Variants in WNT10A observed in about 807,000 individuals in gnomAD.
WNT10A encodes the protein protein Wnt-10a.
WNT10A carries 37 observed loss-of-function variants against 36.1 expected under a neutral mutation model. The ratio of observed to expected loss-of-function variants is 1.02; its 90% CI spans 0.79 to 1.35. The LOEUF (loss-of-function observed/expected upper bound fraction) is 1.35. Among genes scored for constraint, WNT10A ranks in the 40% most tolerant of loss-of-function variants. The probability of loss-of-function intolerance (pLI) is 0.00; values close to 1 mark genes in which losing one functional copy is unlikely to be tolerated. For missense variants in WNT10A, 613 were observed against 601.4 expected (o/e 1.02, Z -0.20); for synonymous variants, 255 against 254.1 (o/e 1.00, Z -0.03).
At position 218,889,966 on chromosome 2, in the gene WNT10A, C is replaced by G. The variant is rs1347266344; in HGVS notation, c.377-18C>G. On this transcript the variant is annotated intron_variant, in intron 2 of 3. Coordinates refer to ENST00000258411, the MANE Select transcript of WNT10A (RefSeq NM_025216.3). ...AAGGCCCCTCCAGAGTCCATGTGTTCTGGGTCTTTAACCACAGGTTTCCGA... is the reference window on the plus strand; with the variant it reads ...AAGGCCCCTCCAGAGTCCATGTGTTGTGGGTCTTTAACCACAGGTTTCCGA... 1 of 1,612,020 alleles carries G rather than the reference C, an allele frequency of 6.2e-7. No individual in the cohort carries two copies. The highest frequency in any genetic ancestry group is 8.5e-7 in the Non-Finnish European group (1 of 1,180,044).
intron 1 of WNT10A, among the ~76,000 whole-genome samples, chr2:218,881,393 C>T (rs3856551): frequency 0.13 from 19,618 of 151,952 alleles, 1,372 homozygotes; most frequent in East Asian, 0.23. Flanking sequence ...GGAGTTCCTG[C>T]CCTGTTGGGG....
chr2:218,882,705 A>G (rs1339344008), intron 2 of WNT10A, among the ~76,000 whole-genome samples: 1 of 152,168 alleles, frequency 6.6e-6, no homozygotes, highest in Non-Finnish European at 1.5e-5. Flanking sequence ...CTGACACTGC[A>G]TATCTCAAAC....
intron 1 of WNT10A, among the ~76,000 whole-genome samples, chr2:218,881,353 T>G (rs1180581798): frequency 4.0e-5 from 6 of 148,478 alleles, no homozygotes; most frequent in Admixed American, 2.7e-4. Context: ...GGAGGGGAGG[T>G]GTGTGTGGGG....
Position 218,880,901 on chromosome 2 carries a change from C to T in WNT10A, c.-95C>T. The T allele has an allele frequency of 2.1e-6, 3 of 1,414,464 alleles. No individual in the cohort carries two copies. Among genetic ancestry groups the T allele is most frequent in the South Asian group, 1.5e-5 (1 of 66,558 alleles). The allele number at this position is 1,414,464 out of a possible 1,614,324, so 87.6% of individuals were successfully genotyped here. ...AGTCGGAGCTGTGTGTCGCAGCCGC[C>T]CCGACCCCCCGCCGATCATGCGCCG... is the stretch of plus-strand genomic sequence containing the variant. On this transcript the variant is annotated 5_prime_UTR_variant, in exon 1 of 4. Coordinates refer to ENST00000258411, the MANE Select transcript of WNT10A (RefSeq NM_025216.3). This position sits in a 1 kb window ranked among gnomAD's most constrained non-coding sequence, Gnocchi z 7.7.
At chr2:218,882,068 T>A in intron 1 of WNT10A, 93 bp from the exon 2 acceptor site, 1 of 1,501,710 alleles carries the variant, frequency 6.7e-7, no homozygotes, top group Admixed American at 1.9e-5. Flanking sequence ...GAAGAGGGAG[T>A]GATTATGGCC....
At chr2:218,880,817 G>A, upstream of WNT10A, 2 of 588,398 alleles carry the variant, frequency 3.4e-6, no homozygotes, top group Non-Finnish European at 5.5e-6. The surrounding 1 kb of genome is among the most constrained non-coding windows in gnomAD (Gnocchi z 7.7). Flanking sequence ...GCGGTGCCCG[G>A]GGGTGCTGCC....
rs1464589833 is a variant in WNT10A, at chr2:218,893,178, G to A, written c.1161G>A (p.Thr387=). The stretch of plus-strand genomic sequence containing the variant: ...GCGGCCACAACATCCTGCGCCAGAC[G>A]CGCAGCGAGCGCTGCCACTGCCGCT... ...CGRGHNILRQ[T]RSERCHCRFH... The change falls in exon 4 of 4, where the codon ACG becomes ACA. Residue 387 remains threonine (T), a synonymous_variant. Coordinates refer to ENST00000258411, the MANE Select transcript of WNT10A (RefSeq NM_025216.3). This position sits in a 1 kb window ranked among gnomAD's most constrained non-coding sequence, Gnocchi z 6.3. 1 of 1,580,984 alleles carries A rather than the reference G, an allele frequency of 6.3e-7. No homozygotes were observed.
intron 2 of WNT10A, among the ~76,000 whole-genome samples, chr2:218,883,337 G>A (rs1376666729): frequency 6.6e-6 from 1 of 152,172 alleles, no homozygotes; most frequent in Non-Finnish European, 1.5e-5. Context: ...AATTTTCAGT[G>A]GAGGTGGAGT....
chr2:218,879,821 G>A (rs1213200625), upstream of WNT10A, among the ~76,000 whole-genome samples: 1 of 152,184 alleles, frequency 6.6e-6, no homozygotes, highest in Non-Finnish European at 1.5e-5. Context: ...TGAAATAAAG[G>A]GGAGCTAAAT....
rs779458717 is a variant in WNT10A, at chr2:218,881,065, G to C, written c.70G>C (p.Val24Leu). ...PQPQPRPALW[V>L]LLFFLLLLAA... The stretch of plus-strand genomic sequence containing the variant: ...GCCCCAGCCGCGGCCAGCGCTCTGG[G>C]TGCTCCTGTTCTTCCTACTGCTGCT... The change falls in exon 1 of 4, where the codon GTG becomes CTG. Residue 24 changes from valine to leucine, a missense_variant. Val to Leu is a conservative substitution (Grantham distance 32, BLOSUM62 1). Coordinates refer to ENST00000258411, the MANE Select transcript of WNT10A (RefSeq NM_025216.3). 3.1e-6 allele frequency: 5 copies of C among 1,605,740 alleles called. No individual in the cohort carries two copies. The Admixed American group carries it at 8.4e-5, about 27-fold the overall frequency.
chr2:218,890,274 C>T lies in WNT10A; in HGVS notation c.667C>T (p.Arg223Cys), dbSNP rs149245953. 2.4e-5 allele frequency: 39 copies of T among 1,610,964 alleles called. No individual in the cohort carries two copies. The highest frequency in any genetic ancestry group is 2.1e-4 in the African/African-American group (16 of 75,040). ...GCSPDMGFGERFSKDFLDSRE... is the reference protein window; with the variant it reads ...GCSPDMGFGECFSKDFLDSRE... The stretch of plus-strand genomic sequence containing the variant: ...CAGCCCCGACATGGGCTTCGGGGAG[C>T]GCTTTTCTAAGGACTTTCTGGACTC... Residue 223 changes from arginine (R) to cysteine (C), a missense_variant, in exon 3 of 4, where the codon CGC becomes TGC. By Grantham distance (180) the Arg-to-Cys change is radical. Transcript: ENST00000258411.
chr2:218,888,691 C>T (rs1944611125), intron 2 of WNT10A, among the ~76,000 whole-genome samples: 1 of 152,076 alleles, frequency 6.6e-6, no homozygotes, highest in African/African-American at 2.4e-5. Flanking sequence ...CTCTGGTGAC[C>T]CATTTCTTTG....
chr2:218,887,363 C>T (rs75369794), intron 2 of WNT10A, among the ~76,000 whole-genome samples: 1,961 of 152,074 alleles, frequency 0.013, 45 homozygotes, highest in African/African-American at 0.045. Flanking sequence ...GATGACTCCC[C>T]GGCAATAAGA....
intron 2 of WNT10A, among the ~76,000 whole-genome samples, chr2:218,882,706 T>C (rs1319311359): frequency 2.3e-4 from 35 of 152,200 alleles, no homozygotes; most frequent in Admixed American, 2.3e-3. Flanking sequence ...TGACACTGCA[T>C]ATCTCAAACC....
In WNT10A at chr2:218,893,136, C is replaced by T; in HGVS notation, c.1119C>T (p.Gly373=). ...GCAGCGCCGGCTCGGATGGCTGCGG[C>T]AGCATGTGCTGCGGCCGCGGCCACA... is the stretch of plus-strand genomic sequence containing the variant. The part of the protein sequence containing the change: ...NKSSAGSDGC[G]SMCCGRGHNI... Residue 373 remains glycine (G), a synonymous_variant, in exon 4 of 4, where the codon GGC becomes GGT. Coordinates refer to ENST00000258411, the MANE Select transcript of WNT10A (RefSeq NM_025216.3). The surrounding 1 kb of genome is among the most constrained non-coding windows in gnomAD (Gnocchi z 6.3). The T allele has an allele frequency of 1.9e-6, 3 of 1,592,876 alleles. No individual in the cohort carries two copies. The highest frequency in any genetic ancestry group is 1.3e-5 in the African/African-American group (1 of 74,930).
At position 218,890,101 on chromosome 2, in the gene WNT10A, G is replaced by C; in HGVS notation, c.494G>C (p.Gly165Ala). Residue 165 changes from glycine (G) to alanine (A), a missense_variant, in exon 3 of 4, where the codon GGG (glycine) becomes GCG (alanine). Physicochemically the swap from Gly to Ala is moderately conservative, Grantham distance 60. Transcript: ENST00000258411. The stretch of plus-strand genomic sequence containing the variant: ...TGTGGCTGTGATGCGTCCCGGCGAG[G>C]GGACGAGGAGGCCTTCCGTAGGAAG... ...KACGCDASRR[G>A]DEEAFRRKLH... 1 of 1,614,150 alleles carries C rather than the reference G, an allele frequency of 6.2e-7. No homozygotes were observed. Among genetic ancestry groups the C allele is most frequent in the Non-Finnish European group, 8.5e-7 (1 of 1,180,042 alleles).
At chr2:218,875,160 T>C in the WNT10A span, among the ~76,000 whole-genome samples, 2 of 20,368 alleles carry the variant, frequency 9.8e-5, no homozygotes, top group East Asian at 1.4e-3. Context: ...ACTGACTTTC[T>C]TTTTTTTTTT....
intron 1 of WNT10A, 97 bp from the exon 2 acceptor site, chr2:218,882,064 G>A (rs1435424791): frequency 2.0e-6 from 3 of 1,486,574 alleles, no homozygotes; most frequent in Non-Finnish European, 2.7e-6. Flanking sequence ...GTTGGAAGAG[G>A]GAGTGATTAT....
intron 2 of WNT10A, 90 bp downstream of exon 2, chr2:218,882,513 A>C: frequency 6.5e-7 from 1 of 1,534,154 alleles, no homozygotes; most frequent in Non-Finnish European, 8.9e-7. Flanking sequence ...CACTGCCTCA[A>C]GCTGGCATCC....
Sources: gnomAD v4.1 joint callset for allele counts (sites outside exome capture counted in the v4.1 genomes callset) on GRCh38, gnomAD v4.1.1 for gene constraint, Gnocchi (gnomAD v3.1) non-coding constraint, MANE v1.5 for transcripts, NCBI Gene and HGNC (gene_info 2026-07-23, HGNC 2026-07-21) for gene names.